Variants in ARL15 observed in about 807,000 individuals in gnomAD.
ARL15 encodes the protein ARF like GTPase 15, also known as ADP-ribosylation factor-like protein 15.
ARL15 carries 19 observed loss-of-function variants against 25.2 expected under a neutral mutation model. The observed-to-expected ratio is 0.75, with a 90% CI of 0.53 to 1.10. ARL15 has a LOEUF of 1.10. Ranked by LOEUF, ARL15 falls within the 50% of genes least tolerant of loss-of-function variation. The pLI is 0.00. For missense variants in ARL15, 220 were observed against 246.0 expected, an observed-to-expected ratio of 0.89 and a Z score of 0.71; for synonymous variants, 94 against 86.8, an observed-to-expected ratio of 1.08 and a Z score of -0.46.
At chr5:53,916,165 C>T (rs1395842248) in intron 4 of ARL15, among the ~76,000 whole-genome samples, 1 of 152,042 alleles carries the variant, frequency 6.6e-6, no homozygotes, top group East Asian at 1.9e-4. Flanking sequence ...GCTGAGATTA[C>T]AGGCATGAGG....
chr5:54,262,882 T>C (rs1009728036), intron 1 of ARL15, among the ~76,000 whole-genome samples: 1 of 152,224 alleles, frequency 6.6e-6, no homozygotes, highest in Non-Finnish European at 1.5e-5. Context: ...ACTTTAATTC[T>C]GTTTGCCGGG....
At chr5:53,955,335 A>G (rs574367034) in intron 4 of ARL15, among the ~76,000 whole-genome samples, 59 of 152,286 alleles carry the variant, frequency 3.9e-4, no homozygotes, top group African/African-American at 1.4e-3. Flanking sequence ...AGATTTATAA[A>G]TATATAAATA....
chr5:54,196,800 T>C (rs1755562572), intron 1 of ARL15, among the ~76,000 whole-genome samples: 5 of 152,144 alleles, frequency 3.3e-5, no homozygotes, highest in Admixed American at 1.3e-4. Context: ...TTGAGTATAT[T>C]AAACTGAAAT....
chr5:54,168,946 G>T (rs1230600552), intron 2 of ARL15, among the ~76,000 whole-genome samples: 1 of 152,044 alleles, frequency 6.6e-6, no homozygotes, highest in Non-Finnish European at 1.5e-5. Flanking sequence ...CCTAACCTGG[G>T]TGTAAACTTC....
chr5:54,120,209 G>A (rs1002772218), intron 3 of ARL15, among the ~76,000 whole-genome samples: 14 of 152,186 alleles, frequency 9.2e-5, no homozygotes, highest in African/African-American at 3.1e-4. Context: ...GTGGTGGCTT[G>A]AGTAAAGTTA....
At chr5:53,972,874 G>A (rs1747797248) in intron 4 of ARL15, among the ~76,000 whole-genome samples, 1 of 152,130 alleles carries the variant, frequency 6.6e-6, no homozygotes, top group Non-Finnish European at 1.5e-5. Context: ...CTTGCCTTCT[G>A]TTACGTACTG....
In ARL15 at chr5:54,271,649, A is replaced by C. The variant is rs567410556; in HGVS notation, c.48+38783T>G. On this transcript the variant is annotated intron_variant, in intron 1 of 4. Transcript: ENST00000504924. ...TCTCTCTGGAGAACTCTAATATGCT[A>C]ACTTAGTCAACAGAGAGCCAGGAAG... is the stretch of plus-strand genomic sequence containing the variant. Among the ~76,000 whole-genome samples, 3 of 152,294 alleles carry C rather than the reference A, an allele frequency of 2.0e-5. No individual in the cohort carries two copies. The South Asian group carries it at 6.2e-4, about 32-fold the overall frequency.
chr5:53,961,596 A>G (rs1747375656), intron 4 of ARL15, among the ~76,000 whole-genome samples: 1 of 152,132 alleles, frequency 6.6e-6, no homozygotes. Context: ...TAAAAGAAAG[A>G]AGCTGTACCT....
intron 1 of ARL15, among the ~76,000 whole-genome samples, chr5:54,216,694 G>C (rs1756217963): frequency 6.6e-6 from 1 of 151,928 alleles, no homozygotes; most frequent in South Asian, 2.1e-4. Context: ...TTCCATGGAG[G>C]GTGAGTAAAA....
chr5:54,224,974 G>C (rs1756479732), intron 1 of ARL15, among the ~76,000 whole-genome samples: 1 of 152,206 alleles, frequency 6.6e-6, no homozygotes, highest in Non-Finnish European at 1.5e-5. Context: ...AGGCACTGGA[G>C]TCAAACAGGA....
At chr5:54,045,597 G>GAA (rs113825025) in intron 4 of ARL15, among the ~76,000 whole-genome samples, 19 of 145,550 alleles carry the variant, frequency 1.3e-4, no homozygotes, top group South Asian at 4.4e-4. Flanking sequence ...AATCAAGAAG[G>GAA]AAAAAAAAAA....
chr5:54,154,674 T>A, intron 2 of ARL15, 35 bp from the exon 3 acceptor site: 1 of 1,324,810 alleles, frequency 7.5e-7, no homozygotes, highest in Non-Finnish European at 1.0e-6. Flanking sequence ...AAAAAAGAAT[T>A]AGCAACTTTT....
chr5:54,026,763 C>T (rs1222507451), intron 4 of ARL15, among the ~76,000 whole-genome samples: 1 of 152,134 alleles, frequency 6.6e-6, no homozygotes, highest in African/African-American at 2.4e-5. Context: ...TGCAACAACA[C>T]CTGTTCCTGA....
intron 1 of ARL15, among the ~76,000 whole-genome samples, chr5:54,184,261 CAAAAA>C (rs201681698): frequency 1.7e-5 from 2 of 117,040 alleles, no homozygotes; most frequent in African/African-American, 6.6e-5. Flanking sequence ...AAAAAAAAAT[CAAAAA>C]AAAAAAAAAA....
intron 3 of ARL15, among the ~76,000 whole-genome samples, chr5:54,140,467 G>A (rs892387925): frequency 2.6e-4 from 36 of 139,250 alleles, no homozygotes; most frequent in African/African-American, 8.0e-4. Context: ...TAGATAGATA[G>A]AGATAGAGAT....
chr5:53,912,658 A>T (rs1745502083), intron 4 of ARL15, among the ~76,000 whole-genome samples: 1 of 152,216 alleles, frequency 6.6e-6, no homozygotes, highest in African/African-American at 2.4e-5. Context: ...TGACACATTG[A>T]TATGATCAAG....
chr5:54,278,112 C>G (rs1757969376), intron 1 of ARL15, among the ~76,000 whole-genome samples: 1 of 152,188 alleles, frequency 6.6e-6, no homozygotes, highest in South Asian at 2.1e-4. Context: ...CTTGTCAGCA[C>G]CAGCTAATTG....
chr5:54,067,014 T>C (rs968031221), intron 4 of ARL15: 1 of 152,642 alleles, frequency 6.6e-6, no homozygotes, highest in Non-Finnish European at 1.5e-5. Flanking sequence ...AAAGGATATA[T>C]GCAATTATAC....
At position 54,064,100 on chromosome 5, in the gene ARL15, C is replaced by A. The variant is rs148160469; in HGVS notation, c.462+49102G>T. 2.5e-3 allele frequency among the ~76,000 whole-genome samples: 387 copies of A among 152,230 alleles called. 1 individual carries two copies. Among genetic ancestry groups the A allele is most frequent in the Non-Finnish European group, 4.5e-3 (306 of 68,024 alleles). ...TCTTTCTCTGATTTTCTTCAGAAAT[C>A]CAGAGGCAGCACTTTCTCCCACGGA... is the stretch of plus-strand genomic sequence containing the variant. On this transcript the variant is annotated intron_variant, in intron 4 of 4. Transcript: ENST00000504924.
Sources: gnomAD v4.1 joint callset for allele counts (sites outside exome capture counted in the v4.1 genomes callset) on GRCh38, gnomAD v4.1.1 for gene constraint, MANE v1.5 for transcripts, NCBI Gene and HGNC (gene_info 2026-07-23, HGNC 2026-07-21) for gene names.